Variants in PIKFYVE observed in about 807,000 individuals in gnomAD.
The protein encoded by PIKFYVE is 1-phosphatidylinositol 3-phosphate 5-kinase.
PIKFYVE carries 122 observed loss-of-function variants against 257.9 expected under a neutral mutation model. The ratio of observed to expected loss-of-function variants is 0.47; its 90% CI spans 0.41 to 0.55. The LOEUF is 0.55. Among genes scored for constraint, PIKFYVE ranks in the 20% least tolerant of loss-of-function variants. The probability of loss-of-function intolerance (pLI) is 0.00; values close to 1 mark genes in which losing one functional copy is unlikely to be tolerated. For synonymous variants in PIKFYVE, 892 were observed against 868.9 expected, an observed-to-expected ratio of 1.03 and a Z score of -0.47; for missense variants, 2,160 against 2,536.6, an observed-to-expected ratio of 0.85 and a Z score of 3.19.
At chr2:208,339,961 T>G (rs765261297) in intron 30 of PIKFYVE, 50 bp from the exon 31 acceptor site, 7 of 1,586,126 alleles carry the variant, frequency 4.4e-6, no homozygotes, top group African/African-American at 1.3e-5. Flanking sequence ...AGTTTATACT[T>G]CTTATTCTCT....
At chr2:208,333,287 T>G (rs1162234385) in intron 23 of PIKFYVE, 28 bp from the exon 24 acceptor site, 46 of 1,607,088 alleles carry the variant, frequency 2.9e-5, no homozygotes, top group Non-Finnish European at 3.7e-5. Context: ...AATATGTGAT[T>G]AGGTAAACTA....
At chr2:208,315,095 A>C (rs997992657) in intron 14 of PIKFYVE, 98 bp from the exon 15 acceptor site, 1 of 1,099,482 alleles carries the variant, frequency 9.1e-7, no homozygotes, top group Non-Finnish European at 1.4e-6. Context: ...GCCGTAATTG[A>C]AATGTTTATT....
rs1695393483 is a variant in PIKFYVE at position 208,315,473 on chromosome 2, G to T, written c.2007+100G>T. On this transcript the variant is annotated intron_variant, in intron 15 of 41. Coordinates refer to ENST00000264380, the MANE Select transcript of PIKFYVE (RefSeq NM_015040.4). Reference sequence around the variant, plus strand: ...AATCTGAAAAGAGTCATTACCCTGAGGGGTGCTAGGTGAGGAGTAGGAGGT... The same window carrying T: ...AATCTGAAAAGAGTCATTACCCTGATGGGTGCTAGGTGAGGAGTAGGAGGT... 3 of 1,394,440 alleles carry T rather than the reference G, an allele frequency of 2.2e-6. No individual in the cohort carries two copies. The East Asian group carries it at 7.2e-5, about 34-fold the overall frequency. 86.4% of individuals were successfully genotyped at this position (1,394,440 alleles called of 1,614,324 possible).
chr2:208,315,038 C>G (rs16840910), intron 14 of PIKFYVE, among the ~76,000 whole-genome samples, 155 bp from the exon 15 acceptor site: 7,506 of 152,232 alleles, frequency 0.049, 387 homozygotes, highest in African/African-American at 0.13. Context: ...CCTTAAGGTA[C>G]AGATATAATG....
chr2:208,295,861 A>G (rs1692906597), intron 7 of PIKFYVE, among the ~76,000 whole-genome samples: 1 of 152,192 alleles, frequency 6.6e-6, no homozygotes, highest in African/African-American at 2.4e-5. Flanking sequence ...GCATTCATTT[A>G]TGATACTTGT....
At chr2:208,301,992 C>A (rs1372210885) in intron 9 of PIKFYVE, among the ~76,000 whole-genome samples, 1 of 152,060 alleles carries the variant, frequency 6.6e-6, no homozygotes, top group African/African-American at 2.4e-5. Flanking sequence ...TCAGTCAATG[C>A]TTGCTGTTAT....
At chr2:208,332,995 G>A (rs1032604964) in intron 23 of PIKFYVE, among the ~76,000 whole-genome samples, 1 of 152,116 alleles carries the variant, frequency 6.6e-6, no homozygotes, top group Non-Finnish European at 1.5e-5. Flanking sequence ...AGCACTTTGG[G>A]AGGCTGAGGC....
intron 31 of PIKFYVE, 131 bp downstream of exon 31, chr2:208,340,262 G>A: frequency 8.6e-7 from 1 of 1,161,776 alleles, no homozygotes; most frequent in Non-Finnish European, 1.2e-6. Flanking sequence ...TAGTAAAAGA[G>A]ATGTCTTTTG....
intron 16 of PIKFYVE, among the ~76,000 whole-genome samples, chr2:208,318,833 C>T (rs10201635): frequency 6.6e-6 from 1 of 151,818 alleles, no homozygotes; most frequent in African/African-American, 2.4e-5. Flanking sequence ...TGCCTGTAGT[C>T]TCAGCTACTC....
intron 16 of PIKFYVE, among the ~76,000 whole-genome samples, chr2:208,318,235 C>T (rs1287110200): frequency 6.6e-6 from 1 of 152,192 alleles, no homozygotes; most frequent in South Asian, 2.1e-4. Context: ...GATCCTGTTA[C>T]GTCTTAGGGA....
rs560599221 is a variant in PIKFYVE at position 208,353,328 on chromosome 2, C to T, written c.5844+546C>T. Among the ~76,000 whole-genome samples, 61 of 152,230 alleles carry T rather than the reference C, an allele frequency of 4.0e-4. No homozygotes were observed. The South Asian group carries it at 0.012, about 31-fold the overall frequency. ...TTGATTTATATTCTGGCACTAGTTC[C>T]CTAATGTTGTAGTGAGCCAGGAGCA... is the stretch of plus-strand genomic sequence containing the variant. On this transcript the variant is annotated intron_variant, in intron 39 of 41. Transcript: ENST00000264380.
intron 11 of PIKFYVE, 37 bp from the exon 12 acceptor site, chr2:208,304,809 T>G (rs1485366834): frequency 6.3e-7 from 1 of 1,594,404 alleles, no homozygotes; most frequent in South Asian, 1.1e-5. Context: ...ACTCCCCTCC[T>G]CTCCCTATAT....
Position 208,298,661 on chromosome 2 carries a change from T to G in PIKFYVE, c.932T>G (p.Leu311Arg), listed in dbSNP as rs764897695. Residue 311 changes from leucine to arginine, a missense_variant, in exon 8 of 42, where the codon CTG becomes CGG. Around this residue, in one of 12 missense-constraint regions of PIKFYVE, gnomAD observed 187 missense variants for 185.6 expected, o/e 1.01. Transcript: ENST00000264380. ...TCCAGATCAGCCAGCATTACTAACC[T>G]GTCACTGGATAGATCTGGTTCTCCT... ...ARNRSASITNLSLDRSGSPMV... is the reference protein window; with the variant it reads ...ARNRSASITNRSLDRSGSPMV... 1 of 1,614,196 alleles carries G rather than the reference T, an allele frequency of 6.2e-7. No individual in the cohort carries two copies. The highest frequency in any genetic ancestry group is 1.1e-5 in the South Asian group (1 of 91,088).
chr2:208,330,005 A>G (rs544836256), intron 22 of PIKFYVE, 92 bp downstream of exon 22: 5 of 1,516,394 alleles, frequency 3.3e-6, no homozygotes, highest in African/African-American at 1.4e-5. Flanking sequence ...ATGTTAAGTG[A>G]CTGTTACATG....
chr2:208,356,634 A>G lies in PIKFYVE; in HGVS notation c.*1329A>G, dbSNP rs1214681923. 1 of 152,704 alleles carries G rather than the reference A, an allele frequency of 6.5e-6. No homozygotes were observed. The highest frequency in any genetic ancestry group is 1.5e-5 in the Non-Finnish European group (1 of 68,052). 9.5% of individuals were successfully genotyped at this position (152,704 alleles called of 1,614,324 possible). On this transcript the variant is annotated 3_prime_UTR_variant, in exon 42 of 42. Coordinates refer to ENST00000264380, the MANE Select transcript of PIKFYVE (RefSeq NM_015040.4). ...ACACCATTGCATTCCAGCCTGGGCA[A>G]CAGAGCAAGACTGTCTCAAAAAACA...
chr2:208,339,358 T>C (rs1418365520), intron 29 of PIKFYVE, 60 bp from the exon 30 acceptor site: 2 of 1,584,080 alleles, frequency 1.3e-6, no homozygotes, highest in African/African-American at 2.7e-5. Context: ...TTAAAAAATA[T>C]TAGGTAGACA....
chr2:208,321,551 T>TC (rs1696206146), intron 17 of PIKFYVE, among the ~76,000 whole-genome samples: 1 of 136,598 alleles, frequency 7.3e-6, no homozygotes, highest in South Asian at 2.5e-4. Flanking sequence ...GGGAAATACT[T>TC]CTTTTTTCTT....
At chr2:208,338,308 TTC>T (rs755276104) in intron 28 of PIKFYVE, among the ~76,000 whole-genome samples, 198 bp from the exon 29 acceptor site, 27 of 152,156 alleles carry the variant, frequency 1.8e-4, no homozygotes, top group Admixed American at 5.2e-4. Context: ...TTTAATAACT[TTC>T]TCTGTTTTAA....
chr2:208,284,865 C>T (rs780774858), intron 5 of PIKFYVE, among the ~76,000 whole-genome samples: 4 of 151,988 alleles, frequency 2.6e-5, no homozygotes, highest in South Asian at 2.1e-4. Flanking sequence ...GACAGGGTCT[C>T]GGTATGTTGG....
Sources: gnomAD v4.1 joint callset for allele counts (sites outside exome capture counted in the v4.1 genomes callset) on GRCh38, gnomAD v4.1.1 for gene constraint, gnomAD v4.1.1 regional missense constraint, MANE v1.5 for transcripts, NCBI Gene and HGNC (gene_info 2026-07-23, HGNC 2026-07-21) for gene names.